PLCB1: variants seen among roughly 807,000 people sequenced by gnomAD.
PLCB1 encodes phospholipase C beta 1, also known as 1-phosphatidylinositol 4,5-bisphosphate phosphodiesterase beta-1.
PLCB1 carries 46 observed loss-of-function variants against 161.8 expected under a neutral mutation model. The observed-to-expected ratio is 0.28, with a 90% confidence interval of 0.22 to 0.36. PLCB1 has a LOEUF of 0.36. Among genes scored for constraint, PLCB1 ranks in the 10% least tolerant of loss-of-function variants. PLCB1 has a pLI of 1.00. For missense variants in PLCB1, 1,016 were observed against 1,472.5 expected (o/e 0.69, Z 5.07); for synonymous variants, 517 against 503.7 (o/e 1.03, Z -0.35).
intron 24 of PLCB1, among the ~76,000 whole-genome samples, chr20:8,758,586 GAAA>G (rs904987155): frequency 2.9e-5 from 4 of 139,356 alleles, no homozygotes; most frequent in African/African-American, 1.1e-4. Flanking sequence ...ATCTCAAAAA[GAAA>G]AAAAAAAAGT....
intron 3 of PLCB1, among the ~76,000 whole-genome samples, chr20:8,554,711 C>T (rs1428115019): frequency 6.6e-6 from 1 of 152,004 alleles, no homozygotes; most frequent in Non-Finnish European, 1.5e-5. Context: ...TTGCATTGAT[C>T]CATATGTTTA....
chr20:8,541,600 G>GAAAGAAAT (rs71183096), intron 3 of PLCB1, among the ~76,000 whole-genome samples: 5,194 of 150,740 alleles, frequency 0.034, 126 homozygotes, highest in Non-Finnish European at 0.044. Context: ...AAGAAAGAAA[G>GAAAGAAAT]AAAGAAAGGA....
At chr20:8,481,194 TA>T (rs1982486273) in intron 3 of PLCB1, among the ~76,000 whole-genome samples, 1 of 151,976 alleles carries the variant, frequency 6.6e-6, no homozygotes, top group African/African-American at 2.4e-5. Context: ...TCACTTTTAG[TA>T]ATAAATTTTT....
intron 3 of PLCB1, among the ~76,000 whole-genome samples, chr20:8,438,388 C>T (rs1010079978): frequency 1.3e-5 from 2 of 152,050 alleles, no homozygotes. Flanking sequence ...TAGCGCAAAA[C>T]CCAGAAGCAA....
At chr20:8,380,974 A>C (rs1323057635) in intron 3 of PLCB1, among the ~76,000 whole-genome samples, 1 of 152,178 alleles carries the variant, frequency 6.6e-6, no homozygotes, top group African/African-American at 2.4e-5. Flanking sequence ...AACTTCCAAT[A>C]CTAGGTTGAA....
In PLCB1 at chr20:8,531,757, A is replaced by AAT. The variant is rs11472614; in HGVS notation, c.247-96524_247-96523dup. 9.9e-3 allele frequency among the ~76,000 whole-genome samples: 1,491 copies of AAT among 151,174 alleles called. 37 individuals are homozygous for AAT. Among genetic ancestry groups the AAT allele is most frequent in the African/African-American group, 0.034 (1,408 of 41,284 alleles). On this transcript the variant is annotated intron_variant, in intron 3 of 31. Transcript: ENST00000338037. The stretch of plus-strand genomic sequence containing the variant: ...GATTTTATAAATTCATCCAGATTAA[A>AAT]ATATATATATATATGTATATGCACA...
intron 3 of PLCB1, among the ~76,000 whole-genome samples, chr20:8,417,790 T>C (rs1307079086): frequency 6.6e-6 from 1 of 152,226 alleles, no homozygotes; most frequent in Admixed American, 6.5e-5. Flanking sequence ...AATCGTCAAA[T>C]ACCATCTTGG....
chr20:8,664,194 G>A (rs1989754006), intron 9 of PLCB1, among the ~76,000 whole-genome samples: 1 of 152,058 alleles, frequency 6.6e-6, no homozygotes, highest in Non-Finnish European at 1.5e-5. Flanking sequence ...TTTATCATCA[G>A]TTCTTCCTCC....
intron 31 of PLCB1, among the ~76,000 whole-genome samples, chr20:8,841,216 G>T (rs1213236686): frequency 2.0e-5 from 3 of 152,140 alleles, no homozygotes; most frequent in African/African-American, 7.2e-5. Context: ...CATTTTCTAT[G>T]ATTGCAACCT....
At chr20:8,445,641 A>G (rs1980789443) in intron 3 of PLCB1, among the ~76,000 whole-genome samples, 1 of 152,174 alleles carries the variant, frequency 6.6e-6, no homozygotes, top group Non-Finnish European at 1.5e-5. Context: ...CTTGAGCAGT[A>G]TGGCCATTTT....
rs201481742 is a variant in PLCB1, at chr20:8,317,514, AC to A, written c.178-53861del. On this transcript the variant is annotated intron_variant, in intron 2 of 31. Coordinates refer to ENST00000338037, the MANE Select transcript of PLCB1 (RefSeq NM_015192.4). ...AAGATTTGTTGAGTGAGTAATTTAC[AC>A]CCCCCCATCCCCCCGACACACACAC... Among the ~76,000 whole-genome samples the A allele has an allele frequency of 3.3e-3, 504 of 151,346 alleles. 14 individuals are homozygous for A. Among genetic ancestry groups the A allele is most frequent in the Admixed American group, 0.029 (446 of 15,156 alleles).
At chr20:8,798,835 G>C (rs1984155348) in intron 31 of PLCB1, among the ~76,000 whole-genome samples, 1 of 152,212 alleles carries the variant, frequency 6.6e-6, no homozygotes, top group Admixed American at 6.5e-5. Flanking sequence ...TAGTTTGGCT[G>C]AGACAGTTGG....
chr20:8,836,530 T>C (rs933578671), intron 31 of PLCB1, among the ~76,000 whole-genome samples: 15 of 88,158 alleles, frequency 1.7e-4, no homozygotes, highest in African/African-American at 4.7e-4. Flanking sequence ...TTTCCTGAAT[T>C]GGTTCTGAGG....
At chr20:8,778,839 C>A (rs1469357244) in intron 27 of PLCB1, among the ~76,000 whole-genome samples, 1 of 152,188 alleles carries the variant, frequency 6.6e-6, no homozygotes, top group African/African-American at 2.4e-5. Flanking sequence ...GGAGCATTTA[C>A]AATTTTTACT....
chr20:8,275,072 C>T (rs1299143124), intron 2 of PLCB1, among the ~76,000 whole-genome samples: 1 of 80,748 alleles, frequency 1.2e-5, no homozygotes, highest in Non-Finnish European at 2.3e-5. Flanking sequence ...CAGAATGCTT[C>T]TTTTTCACAG....
At chr20:8,361,175 A>G (rs1986528567) in intron 2 of PLCB1, among the ~76,000 whole-genome samples, 1 of 152,214 alleles carries the variant, frequency 6.6e-6, no homozygotes, top group Non-Finnish European at 1.5e-5. Flanking sequence ...TCTGGCCTCT[A>G]GGGCCCAATG....
intron 2 of PLCB1, among the ~76,000 whole-genome samples, chr20:8,261,080 AAAC>A (rs1161813129): frequency 6.6e-6 from 1 of 152,096 alleles, no homozygotes; most frequent in Non-Finnish European, 1.5e-5. Flanking sequence ...ATTTCATCTG[AAAC>A]AACATGTTTG....
In PLCB1 at chr20:8,565,055, G is replaced by T. The variant is rs1426200904; in HGVS notation, c.247-63239G>T. Among the ~76,000 whole-genome samples, 3 of 152,026 alleles carry T rather than the reference G, an allele frequency of 2.0e-5. 1 individual carries two copies. Among genetic ancestry groups the T allele is most frequent in the South Asian group, 4.1e-4 (2 of 4,824 alleles). ...ATGCACATGTATGTTTATTACGGCAGTGTTCACAATAGCAAAGACTTGGAA... is the reference window on the plus strand; with the variant it reads ...ATGCACATGTATGTTTATTACGGCATTGTTCACAATAGCAAAGACTTGGAA... On this transcript the variant is annotated intron_variant, in intron 3 of 31. Coordinates refer to ENST00000338037, the MANE Select transcript of PLCB1 (RefSeq NM_015192.4).
chr20:8,215,269 C>T (rs1185471471), intron 2 of PLCB1, among the ~76,000 whole-genome samples: 1 of 151,642 alleles, frequency 6.6e-6, no homozygotes, highest in Non-Finnish European at 1.5e-5. Flanking sequence ...ATTTCGGAAT[C>T]GATTTGTTAA....
Sources: gnomAD v4.1 joint callset for allele counts (sites outside exome capture counted in the v4.1 genomes callset) on GRCh38, gnomAD v4.1.1 for gene constraint, MANE v1.5 for transcripts, NCBI Gene and HGNC (gene_info 2026-07-23, HGNC 2026-07-21) for gene names.